CCDC158: variants seen among roughly 807,000 people sequenced by gnomAD.
The protein encoded by CCDC158 is coiled-coil domain containing 158.
A neutral mutation model predicts 138.6 loss-of-function variants in CCDC158; 116 were observed. That is an observed-to-expected ratio of 0.84 (90% CI 0.72 to 0.98). The LOEUF (loss-of-function observed/expected upper bound fraction) is 0.98. Among genes scored for constraint, CCDC158 ranks in the 50% least tolerant of loss-of-function variants. The pLI is 0.00. For synonymous variants in CCDC158, 436 were observed against 442.4 expected (o/e 0.99, Z 0.18); for missense variants, 1,265 against 1,306.1 (o/e 0.97, Z 0.48).
intron 1 of CCDC158, among the ~76,000 whole-genome samples, chr4:76,412,453 A>C (rs1311565052): frequency 6.6e-6 from 1 of 152,156 alleles, no homozygotes; most frequent in Non-Finnish European, 1.5e-5. Context: ...CCTCTACAAA[A>C]AATTTTTTTA....
chr4:76,393,128 A>G (rs1183474159), intron 4 of CCDC158, among the ~76,000 whole-genome samples: 1 of 152,064 alleles, frequency 6.6e-6, no homozygotes, highest in Non-Finnish European at 1.5e-5. Context: ...AATAGAAAAA[A>G]CAATCTTAAA....
chr4:76,360,193 T>C (rs1280547688), intron 13 of CCDC158, among the ~76,000 whole-genome samples: 1 of 152,158 alleles, frequency 6.6e-6, no homozygotes, highest in Non-Finnish European at 1.5e-5. Context: ...AGGGCAAGAG[T>C]TGAGGCTTGG....
chr4:76,345,816 C>A (rs1337207026), intron 18 of CCDC158, among the ~76,000 whole-genome samples: 5 of 152,016 alleles, frequency 3.3e-5, no homozygotes, highest in Non-Finnish European at 7.4e-5. Context: ...CCATACTGCC[C>A]AAACTAATTG....
At chr4:76,378,424 G>A (rs1369410946) in intron 9 of CCDC158, among the ~76,000 whole-genome samples, 3 of 152,180 alleles carry the variant, frequency 2.0e-5, no homozygotes, top group African/African-American at 7.2e-5. Context: ...AGAACTGTAT[G>A]TAAATTGTTT....
intron 4 of CCDC158, among the ~76,000 whole-genome samples, chr4:76,386,794 T>C (rs1029779880): frequency 2.0e-5 from 3 of 152,096 alleles, no homozygotes; most frequent in Non-Finnish European, 2.9e-5. Flanking sequence ...GCACAGCAAC[T>C]GGGGGGTTTT....
intron 24 of CCDC158, among the ~76,000 whole-genome samples, chr4:76,313,781 G>A (rs1164305187): frequency 6.6e-6 from 1 of 152,114 alleles, no homozygotes; most frequent in Non-Finnish European, 1.5e-5. Context: ...ATACATGAAT[G>A]TGCACATGTT....
intron 18 of CCDC158, among the ~76,000 whole-genome samples, chr4:76,338,839 C>T (rs1157039939): frequency 3.9e-5 from 6 of 152,108 alleles, no homozygotes; most frequent in Admixed American, 3.9e-4. Flanking sequence ...CACAAGAGAA[C>T]CCTAGCCAAA....
rs909273467 is a variant in CCDC158 at position 76,379,438 on chromosome 4, T to A, written c.915-34A>T. 8 of 1,332,176 alleles carry A rather than the reference T, an allele frequency of 6.0e-6. No homozygotes were observed. The Admixed American group carries it at 1.4e-4, about 24-fold the overall frequency. 82.5% of individuals were successfully genotyped at this position (1,332,176 alleles called of 1,614,324 possible). ...AGTTTAGAAGGGGAATAAGTGCAAA[T>A]AGCAAACTAAGAATAAGAGTAACAC... On this transcript the variant is annotated intron_variant, in intron 8 of 24. Transcript: ENST00000682701.
intron 18 of CCDC158, chr4:76,345,007 A>G: frequency 7.1e-7 from 1 of 1,409,334 alleles, no homozygotes; most frequent in Non-Finnish European, 1.0e-6. Flanking sequence ...TCTTTGAGCA[A>G]GAGAAGAACT....
chr4:76,360,440 G>A (rs1724021829), intron 13 of CCDC158, among the ~76,000 whole-genome samples: 2 of 152,222 alleles, frequency 1.3e-5, no homozygotes, highest in Non-Finnish European at 2.9e-5. Context: ...TGCACTATGT[G>A]CCTGGAAAAG....
At chr4:76,371,364 A>T in intron 10 of CCDC158, 53 bp downstream of exon 10, 1 of 1,555,558 alleles carries the variant, frequency 6.4e-7, no homozygotes, top group Non-Finnish European at 8.8e-7. Flanking sequence ...GATATATTTC[A>T]GTGAAAAACT....
At chr4:76,420,826 T>C (rs975631631) in intron 1 of CCDC158, among the ~76,000 whole-genome samples, 139 bp downstream of exon 1, 1 of 152,030 alleles carries the variant, frequency 6.6e-6, no homozygotes, top group African/African-American at 2.4e-5. Flanking sequence ...AAGAAACAAT[T>C]TATTGGGCAT....
At chr4:76,370,990 CA>C (rs141178989) in intron 10 of CCDC158, among the ~76,000 whole-genome samples, 46,165 of 152,088 alleles carry the variant, frequency 0.3, 8,936 homozygotes, top group Non-Finnish European at 0.44. Flanking sequence ...GTTCCTCTAA[CA>C]GAGGACAGAG....
intron 18 of CCDC158, among the ~76,000 whole-genome samples, chr4:76,343,451 A>C (rs1480360203): frequency 9.2e-5 from 14 of 152,228 alleles, no homozygotes. Flanking sequence ...AATGAATTCC[A>C]AGAAACATTA....
intron 1 of CCDC158, among the ~76,000 whole-genome samples, chr4:76,420,352 C>G (rs1364088963): frequency 6.6e-6 from 1 of 152,206 alleles, no homozygotes; most frequent in Non-Finnish European, 1.5e-5. Context: ...GCCGACCTCA[C>G]TTCTACTTTC....
rs535128237 is a variant in CCDC158, at chr4:76,334,562, A to G, written c.2665-395T>C. On this transcript the variant is annotated intron_variant, in intron 18 of 24. Coordinates refer to ENST00000682701, the MANE Select transcript of CCDC158 (RefSeq NM_001394954.1). ...ATTTGATAAAGCAACAAAACCTGAG[A>G]ATTAAGGAGCTATTTAGAGATGAGT... 2.6e-5 allele frequency among the ~76,000 whole-genome samples: 4 copies of G among 152,322 alleles called. No homozygotes were observed. In the East Asian group the frequency reaches 7.7e-4, roughly 29 times the overall value.
chr4:76,405,225 G>A (rs1728721375), intron 2 of CCDC158, among the ~76,000 whole-genome samples: 1 of 152,190 alleles, frequency 6.6e-6, no homozygotes, highest in Admixed American at 6.6e-5. Flanking sequence ...ACACAGTAAG[G>A]CAAGAGTGTA....
At chr4:76,382,762 T>C in intron 7 of CCDC158, 42 bp from the exon 8 acceptor site, 1 of 1,260,578 alleles carries the variant, frequency 7.9e-7, no homozygotes, top group South Asian at 1.3e-5. Flanking sequence ...TACAGAAGAT[T>C]TTCCTGACTA....
In CCDC158 at chr4:76,367,636, C is replaced by G. The variant is rs762318306; in HGVS notation, c.1488G>C (p.Arg496Ser). The stretch of plus-strand genomic sequence containing the variant: ...GAGAAGTTGTCAGGTCCGATATTGT[C>G]CTCTCTGAGCTCTCCAGAGTCATTT... ...AKKMTLESSE[R>S]TISDLTTSLQ... Residue 496 changes from arginine to serine, a missense_variant, in exon 12 of 25, where the codon AGG (arginine) becomes AGC (serine). Physicochemically the swap from Arg to Ser is moderately radical, Grantham distance 110 (BLOSUM62 -1). Coordinates refer to ENST00000682701, the MANE Select transcript of CCDC158 (RefSeq NM_001394954.1). The G allele has an allele frequency of 4.3e-6, 7 of 1,614,226 alleles. No individual in the cohort carries two copies. The highest frequency in any genetic ancestry group is 3.3e-5 in the South Asian group (3 of 91,084).
Sources: gnomAD v4.1 joint callset for allele counts (sites outside exome capture counted in the v4.1 genomes callset) on GRCh38, gnomAD v4.1.1 for gene constraint, MANE v1.5 for transcripts, NCBI Gene and HGNC (gene_info 2026-07-23, HGNC 2026-07-21) for gene names.